Variants in DCC observed in about 807,000 individuals in gnomAD.
DCC encodes DCC netrin 1 receptor, also known as netrin receptor DCC.
Under a neutral mutation model 172.5 loss-of-function variants are expected in DCC, and 58 were observed. That is an observed-to-expected ratio of 0.34 (90% CI 0.27 to 0.42). DCC has a LOEUF of 0.42. Among genes scored for constraint, DCC ranks in the 10% least tolerant of loss-of-function variants. DCC has a pLI of 1.00. For synonymous variants in DCC, 709 were observed against 644.5 expected (o/e 1.10, Z -1.52); for missense variants, 1,740 against 1,791.0 (o/e 0.97, Z 0.51).
chr18:53,448,100 C>A (rs1354278642), intron 22 of DCC, among the ~76,000 whole-genome samples: 1 of 125,904 alleles, frequency 7.9e-6, no homozygotes, highest in South Asian at 2.5e-4. Flanking sequence ...GGCAACTTGT[C>A]AAAAGACGTC....
chr18:53,251,539 C>G (rs2056434684), intron 12 of DCC, among the ~76,000 whole-genome samples: 2 of 151,916 alleles, frequency 1.3e-5, no homozygotes, highest in South Asian at 4.1e-4. Context: ...AACCTCAGCT[C>G]AAATGGAGTC....
chr18:52,607,364 C>T (rs775677163), intron 1 of DCC, among the ~76,000 whole-genome samples: 30 of 152,116 alleles, frequency 2.0e-4, no homozygotes, highest in Non-Finnish European at 3.4e-4. Flanking sequence ...TATCCAGGTA[C>T]AGTGAGCACT....
chr18:52,986,484 G>A (rs1432804125), intron 5 of DCC, among the ~76,000 whole-genome samples: 1 of 152,010 alleles, frequency 6.6e-6, no homozygotes, highest in Non-Finnish European at 1.5e-5. Flanking sequence ...TCCTCTGAAA[G>A]TTTTAAGTCT....
At chr18:53,287,035 C>A (rs947024689) in intron 12 of DCC, among the ~76,000 whole-genome samples, 1 of 151,884 alleles carries the variant, frequency 6.6e-6, no homozygotes, top group Admixed American at 6.6e-5. Context: ...AATTTACACA[C>A]CATACCATTT....
intron 5 of DCC, among the ~76,000 whole-genome samples, chr18:52,931,464 T>C (rs951441761): frequency 1.3e-5 from 2 of 152,132 alleles, no homozygotes; most frequent in Admixed American, 1.3e-4. Context: ...TCCTTTCTTG[T>C]ACTTAACTGT....
chr18:52,362,471 T>C (rs1320970133), intron 1 of DCC, among the ~76,000 whole-genome samples: 2 of 152,254 alleles, frequency 1.3e-5, no homozygotes, highest in African/African-American at 4.8e-5. Flanking sequence ...GTGTAGGACC[T>C]GTCCAATTTG....
intron 27 of DCC, among the ~76,000 whole-genome samples, chr18:53,506,558 C>T (rs560727778): frequency 1.3e-5 from 2 of 152,054 alleles, no homozygotes; most frequent in East Asian, 3.9e-4. Context: ...GAATTCTCTG[C>T]GTTCATAGAA....
intron 2 of DCC, among the ~76,000 whole-genome samples, chr18:52,894,037 T>A (rs950125352): frequency 1.3e-5 from 2 of 152,212 alleles, no homozygotes; most frequent in Non-Finnish European, 2.9e-5. Flanking sequence ...CACTGTTTTT[T>A]CTTTACACAT....
chr18:53,376,434 A>G (rs531940736), intron 15 of DCC, among the ~76,000 whole-genome samples: 1 of 152,320 alleles, frequency 6.6e-6, no homozygotes, highest in African/African-American at 2.4e-5. Context: ...AGCAAAGCAC[A>G]GTATGCATGA....
Position 52,762,731 on chromosome 18 carries a change from G to A in DCC, c.412+10357G>A, listed in dbSNP as rs191661338. ...CCTAGCTACTTAGGAGGCTGAAGTG[G>A]GAGGTTGCTTGAGCCCAGGAGTTTG... On this transcript the variant is annotated intron_variant, in intron 2 of 28. Coordinates refer to ENST00000442544, the MANE Select transcript of DCC (RefSeq NM_005215.4). Among the ~76,000 whole-genome samples the A allele has an allele frequency of 9.2e-5, 14 of 152,068 alleles. No homozygotes were observed. In the East Asian group the frequency reaches 2.7e-3, roughly 30 times the overall value.
chr18:52,801,975 C>A (rs2037997168), intron 2 of DCC, among the ~76,000 whole-genome samples: 1 of 151,900 alleles, frequency 6.6e-6, no homozygotes, highest in Non-Finnish European at 1.5e-5. Context: ...GGTTTTAAGC[C>A]AAGTTATTTT....
chr18:52,610,166 AAAAAAAAAAAAAATATATATATAT>A (rs1246788704), intron 1 of DCC, among the ~76,000 whole-genome samples: 323 of 25,264 alleles, frequency 0.013, 28 homozygotes, highest in Admixed American at 0.084. Context: ...AAAAAAAAAA[AAAAAAAAAAAAAATATATATATAT>A]ATATATATAT....
intron 1 of DCC, among the ~76,000 whole-genome samples, chr18:52,478,835 A>C (rs1179668446): frequency 6.6e-6 from 1 of 152,190 alleles, no homozygotes; most frequent in Non-Finnish European, 1.5e-5. Context: ...CCCATGATCC[A>C]GTAACTTCAC....
rs1489648186 is a variant in DCC at position 52,906,082 on chromosome 18, G to A, written c.451G>A (p.Ala151Thr). The change falls in exon 3 of 29, where the codon GCC (alanine) becomes ACC (threonine). Residue 151 changes from alanine (A) to threonine (T), a missense_variant. By Grantham distance (58) the Ala-to-Thr change is moderately conservative. Transcript: ENST00000442544. ...RFLSQTESVT[A>T]FMGDTVLLKC... is the part of the protein sequence containing the mutation. ...CCTTTCACAGACAGAATCTGTCACA[G>A]CCTTCATGGGAGACACAGTGCTACT... is the stretch of plus-strand genomic sequence containing the variant. 1 of 1,612,902 alleles carries A rather than the reference G, an allele frequency of 6.2e-7. No homozygotes were observed. The highest frequency in any genetic ancestry group is 8.5e-7 in the Non-Finnish European group (1 of 1,179,010).
chr18:53,095,140 A>G (rs1341602872), intron 7 of DCC, among the ~76,000 whole-genome samples: 1 of 152,230 alleles, frequency 6.6e-6, no homozygotes, highest in Non-Finnish European at 1.5e-5. Context: ...TCTGATTAGA[A>G]TGGACATTTT....
At chr18:52,458,727 C>T (rs1044918478) in intron 1 of DCC, among the ~76,000 whole-genome samples, 1 of 152,110 alleles carries the variant, frequency 6.6e-6, no homozygotes, top group African/African-American at 2.4e-5. Flanking sequence ...GTCTATATTA[C>T]CTCTACTCAC....
chr18:52,382,018 A>C (rs973017437), intron 1 of DCC, among the ~76,000 whole-genome samples: 1 of 152,182 alleles, frequency 6.6e-6, no homozygotes, highest in African/African-American at 2.4e-5. Flanking sequence ...AAGGAGTCAC[A>C]TATCTTTGGA....
intron 1 of DCC, among the ~76,000 whole-genome samples, chr18:52,434,436 A>G (rs3910784): frequency 2.6e-4 from 40 of 152,316 alleles, no homozygotes; most frequent in Middle Eastern, 3.4e-3. Flanking sequence ...GCCCACTTTG[A>G]GAAACCCTGA....
At position 53,176,488 on chromosome 18, in the gene DCC, A is replaced by C. The variant is rs2055096951; in HGVS notation, c.1419-2474A>C. On this transcript the variant is annotated intron_variant, in intron 8 of 28. Coordinates refer to ENST00000442544, the MANE Select transcript of DCC (RefSeq NM_005215.4). ...AACTCAAACAAATTTACAAGAAAAA[A>C]ACAAACAACCCCATCAAAAAGTGGG... Among the ~76,000 whole-genome samples the C allele has an allele frequency of 2.0e-5, 3 of 150,516 alleles. No individual in the cohort carries two copies. The South Asian group carries it at 6.3e-4, about 32-fold the overall frequency.
Sources: gnomAD v4.1 joint callset for allele counts (sites outside exome capture counted in the v4.1 genomes callset) on GRCh38, gnomAD v4.1.1 for gene constraint, MANE v1.5 for transcripts, NCBI Gene and HGNC (gene_info 2026-07-23, HGNC 2026-07-21) for gene names.